The following RAF1 variants were observed in gnomAD, a reference collection of about 807,000 sequenced individuals.
RAF1 encodes Raf-1 proto-oncogene, serine/threonine kinase.
RAF1 carries 27 observed loss-of-function variants against 81.1 expected under a neutral mutation model. The ratio of observed to expected loss-of-function variants is 0.33; its 90% confidence interval spans 0.25 to 0.46. RAF1 has a LOEUF of 0.46. RAF1 is among the 20% of genes least tolerant of loss of function. The probability of loss-of-function intolerance (pLI) is 1.00; values close to 1 mark genes in which losing one functional copy is unlikely to be tolerated. For synonymous variants in RAF1, 298 were observed against 294.0 expected (o/e 1.01, Z -0.14); for missense variants, 598 against 826.0 (o/e 0.72, Z 3.38).
At chr3:12,652,817 A>C (rs893197073) in intron 1 of RAF1, among the ~76,000 whole-genome samples, 2 of 151,744 alleles carry the variant, frequency 1.3e-5, no homozygotes, top group Non-Finnish European at 2.9e-5. Context: ...GGTGTTATAC[A>C]GCTACTCAGG....
At chr3:12,615,195 T>TG (rs2059336868) in intron 2 of RAF1, among the ~76,000 whole-genome samples, 1 of 152,200 alleles carries the variant, frequency 6.6e-6, no homozygotes, top group Admixed American at 6.5e-5. Flanking sequence ...CTAATAGTAG[T>TG]GGTCCTCGGC....
chr3:12,623,598 C>A (rs957070719), intron 1 of RAF1, among the ~76,000 whole-genome samples: 1 of 151,930 alleles, frequency 6.6e-6, no homozygotes, highest in African/African-American at 2.4e-5. Flanking sequence ...GAGATGGAGA[C>A]CATCCTGGCT....
intron 11 of RAF1, among the ~76,000 whole-genome samples, chr3:12,596,860 C>G (rs899404047): frequency 4.6e-5 from 7 of 152,200 alleles, no homozygotes; most frequent in African/African-American, 1.7e-4. Flanking sequence ...CTGCTCCTCA[C>G]TCCTCTGACT....
intron 1 of RAF1, among the ~76,000 whole-genome samples, chr3:12,656,721 C>T (rs2060705119): frequency 1.3e-5 from 2 of 152,124 alleles, no homozygotes; most frequent in African/African-American, 4.8e-5. Context: ...AACTTGGCCA[C>T]TGCGGTGGCT....
chr3:12,662,142 CT>C (rs2125596092), intron 1 of RAF1, among the ~76,000 whole-genome samples: 1 of 151,248 alleles, frequency 6.6e-6, no homozygotes, highest in African/African-American at 2.4e-5. Context: ...TGAGACCAGC[CT>C]AGGCAACACT....
intron 2 of RAF1, among the ~76,000 whole-genome samples, chr3:12,616,219 A>G (rs4684866): frequency 0.85 from 128,603 of 152,158 alleles, 54,807 homozygotes; most frequent in African/African-American, 0.95. Context: ...TTAAATTGGG[A>G]TTTTCTTGTT....
intron 11 of RAF1, among the ~76,000 whole-genome samples, chr3:12,594,872 C>G (rs1440116179): frequency 6.6e-6 from 1 of 152,172 alleles, no homozygotes; most frequent in African/African-American, 2.4e-5. Context: ...CCAGCCAGCT[C>G]TCGTTAACAC....
chr3:12,604,452 T>A (rs1011436208), intron 6 of RAF1, among the ~76,000 whole-genome samples, 163 bp from the exon 7 acceptor site: 2 of 152,238 alleles, frequency 1.3e-5, no homozygotes, highest in African/African-American at 4.8e-5. Context: ...CTAAAAATTA[T>A]CTTAAGTCTA....
intron 1 of RAF1, among the ~76,000 whole-genome samples, chr3:12,657,887 CAAAAA>C (rs71063858): frequency 2.9e-5 from 3 of 102,894 alleles, no homozygotes; most frequent in Non-Finnish European, 4.7e-5. Flanking sequence ...CAAAACAAAA[CAAAAA>C]AAAACCCTAT....
intron 1 of RAF1, among the ~76,000 whole-genome samples, chr3:12,642,830 A>C (rs896137310): frequency 6.6e-6 from 1 of 151,360 alleles, no homozygotes; most frequent in Non-Finnish European, 1.5e-5. Context: ...GAGGCTGCAG[A>C]GAGCCATGAT....
intron 1 of RAF1, among the ~76,000 whole-genome samples, chr3:12,630,680 C>A (rs571100269): frequency 3.3e-5 from 5 of 152,100 alleles, no homozygotes; most frequent in Non-Finnish European, 7.3e-5. Flanking sequence ...TGTAGGGGAG[C>A]AGGGACAATG....
At position 12,591,700 on chromosome 3, in the gene RAF1, C is replaced by G. The variant is rs765778474; in HGVS notation, c.1253+8G>C. Reference sequence around the variant, plus strand: ...CCAGAGGGACTGGACCGCCAGCTTTCTACTCACCGCAGAACAGCCACCTCA... The same window carrying G: ...CCAGAGGGACTGGACCGCCAGCTTTGTACTCACCGCAGAACAGCCACCTCA... On this transcript the variant is annotated splice_region_variant and intron_variant, in intron 12 of 17. Coordinates refer to ENST00000442415, the MANE Select transcript of RAF1 (RefSeq NM_001354689.3). The G allele has an allele frequency of 1.2e-6, 2 of 1,613,432 alleles. No individual in the cohort carries two copies. The highest frequency in any genetic ancestry group is 1.7e-6 in the Non-Finnish European group (2 of 1,179,334).
intron 13 of RAF1, chr3:12,587,962 CTTT>C (rs33981119): frequency 7.6e-3 from 478 of 62,676 alleles, no homozygotes; most frequent in South Asian, 0.031. Context: ...ACCATGCCGC[CTTT>C]TTTTTTTTTT....
chr3:12,591,907 A>C, intron 11 of RAF1, 115 bp from the exon 11 acceptor site: 1 of 833,850 alleles, frequency 1.2e-6, no homozygotes, highest in Non-Finnish European at 2.0e-6. Context: ...ATACCTACAC[A>C]GATACGGCAA....
intron 1 of RAF1, among the ~76,000 whole-genome samples, chr3:12,625,128 G>T (rs2059665503): frequency 6.6e-6 from 1 of 151,938 alleles, no homozygotes; most frequent in South Asian, 2.1e-4. Flanking sequence ...CTGTTGCCCA[G>T]GCTGGAGTGC....
chr3:12,599,918 T>C, intron 10 of RAF1, 110 bp from the exon 10 acceptor site: 1 of 1,197,976 alleles, frequency 8.3e-7, no homozygotes, highest in Non-Finnish European at 1.2e-6. Context: ...CTTTTAAAGA[T>C]AAACATATTA....
chr3:12,612,245 A>G (rs2059235772), intron 2 of RAF1, among the ~76,000 whole-genome samples, 183 bp from the exon 3 acceptor site: 1 of 152,232 alleles, frequency 6.6e-6, no homozygotes, highest in Non-Finnish European at 1.5e-5. Context: ...CATCTGTATT[A>G]TGTCACATTA....
At chr3:12,650,575 T>C (rs987275083) in intron 1 of RAF1, among the ~76,000 whole-genome samples, 1 of 152,130 alleles carries the variant, frequency 6.6e-6, no homozygotes, top group Non-Finnish European at 1.5e-5. Flanking sequence ...TAACCCAGCA[T>C]GGAATGAAAG....
intron 1 of RAF1, among the ~76,000 whole-genome samples, chr3:12,641,329 C>T (rs1036101374): frequency 6.6e-6 from 1 of 151,168 alleles, no homozygotes; most frequent in Non-Finnish European, 1.5e-5. Context: ...ATGTAACAAA[C>T]CTGCACATTG....
Sources: allele counts gnomAD v4.1 joint callset (sites outside exome capture counted in the v4.1 genomes callset), GRCh38; gene constraint gnomAD v4.1.1; transcripts MANE v1.5; gene names NCBI Gene and HGNC (gene_info 2026-07-23, HGNC 2026-07-21).